PHLDB3: variants seen among roughly 807,000 people sequenced by gnomAD.
The protein encoded by PHLDB3 is pleckstrin homology like domain family B member 3.
In PHLDB3, 86 loss-of-function variants were observed where a neutral mutation model predicts 85.7. That is an observed-to-expected ratio of 1.00 (90% confidence interval 0.84 to 1.20). PHLDB3 has a LOEUF of 1.20. Ranked by LOEUF, PHLDB3 falls within the 50% of genes most tolerant of loss-of-function variation. The pLI, the probability that PHLDB3 is intolerant of heterozygous loss-of-function variation, is 0.00. For synonymous variants in PHLDB3, 376 were observed against 349.8 expected, an observed-to-expected ratio of 1.07 and a Z score of -0.83; for missense variants, 995 against 873.0, an observed-to-expected ratio of 1.14 and a Z score of -1.76.
chr19:43,475,171 G>A lies in PHLDB3; in HGVS notation c.*239C>T, dbSNP rs760663144. On this transcript the variant is annotated 3_prime_UTR_variant, in exon 16 of 16. Transcript: ENST00000292140. Reference sequence around the variant, plus strand: ...CAATAAATAGTTTCTTCCCGCCCCTGCAATCTTCCTCCTGCCCCGGGCAGG... The same window carrying A: ...CAATAAATAGTTTCTTCCCGCCCCTACAATCTTCCTCCTGCCCCGGGCAGG... The A allele has an allele frequency of 2.0e-6, 1 of 505,568 alleles. No homozygotes were observed. Among genetic ancestry groups the A allele is most frequent in the Non-Finnish European group, 3.5e-6 (1 of 283,532 alleles). 31.3% of individuals were successfully genotyped at this position (505,568 alleles called of 1,614,324 possible). A position where few individuals can be genotyped will look rare whatever the true frequency, so the allele number is the denominator to read the frequency against.
chr19:43,495,300 T>C lies in PHLDB3; in HGVS notation c.991A>G (p.Thr331Ala). ...RLLELNCLQG[T>A]PGGDFSEPNP... Reference sequence around the variant, plus strand: ...GGCTCAGAGAAGTCCCCGCCAGGTGTTCCCTGAAGGCAATTGAGCTCGAGC... The same window carrying C: ...GGCTCAGAGAAGTCCCCGCCAGGTGCTCCCTGAAGGCAATTGAGCTCGAGC... Residue 331 changes from threonine (T) to alanine (A), a missense_variant, in exon 8 of 16, where the codon ACA becomes GCA. Physicochemically the swap from Thr to Ala is moderately conservative, Grantham distance 58. Coordinates refer to ENST00000292140, the MANE Select transcript of PHLDB3 (RefSeq NM_198850.4). The C allele has an allele frequency of 6.2e-7, 1 of 1,613,816 alleles. No homozygotes were observed. Among genetic ancestry groups the C allele is most frequent in the Non-Finnish European group, 8.5e-7 (1 of 1,179,822 alleles).
intron 13 of PHLDB3, 69 bp downstream of exon 13, chr19:43,486,197 G>A (rs1971150803): frequency 6.7e-7 from 1 of 1,500,764 alleles, no homozygotes; most frequent in African/African-American, 1.4e-5. Flanking sequence ...TCAGATGTAA[G>A]AAAGGGCATA....
chr19:43,492,044 C>T (rs542706482), intron 9 of PHLDB3, among the ~76,000 whole-genome samples: 1 of 151,510 alleles, frequency 6.6e-6, no homozygotes, highest in Non-Finnish European at 1.5e-5. Flanking sequence ...CAACCTCCGC[C>T]TTCCGGGTTC....
chr19:43,477,492 G>C (rs1460837503), intron 15 of PHLDB3, among the ~76,000 whole-genome samples: 2 of 146,202 alleles, frequency 1.4e-5, no homozygotes, highest in Non-Finnish European at 3.0e-5. Flanking sequence ...ACTCCAGCCT[G>C]GGCAACAGAG....
rs370362509 is a variant in PHLDB3 at position 43,479,623 on chromosome 19, G to A, written c.1486-30C>T. 3.2e-4 allele frequency: 466 copies of A among 1,460,556 alleles called. 3 individuals are homozygous for A. The African/African-American group carries it at 5.4e-3, about 17-fold the overall frequency. The allele number at this position is 1,460,556 out of a possible 1,614,324, so 90.5% of individuals were successfully genotyped here. On this transcript the variant is annotated intron_variant, in intron 13 of 15. Transcript: ENST00000292140. ...GGAGCAAAGAGACGGGGCAGCTGAT[G>A]TAAGGGGCGGGGGATTCTACAGCCT...
rs1363769873 is a variant in PHLDB3, at chr19:43,486,680, G to A, written c.1357C>T (p.Pro453Ser). ...GRGNSCGAIHPDIAHMERLLQ... is the reference protein window; with the variant it reads ...GRGNSCGAIHSDIAHMERLLQ... The stretch of plus-strand genomic sequence containing the variant: ...AGCCGCTCCATGTGGGCAATGTCTG[G>A]ATGGATGGCCCCACAGCTAGGAGGA... Residue 453 changes from proline (P) to serine (S), a missense_variant, in exon 12 of 16, where the codon CCA becomes TCA. By Grantham distance (74) the Pro-to-Ser change is moderately conservative (BLOSUM62 -1). Transcript: ENST00000292140. 6.2e-7 allele frequency: 1 copy of A among 1,613,974 alleles called. No homozygotes were observed.
At chr19:43,501,632 T>A (rs1971600550) in intron 4 of PHLDB3, 102 bp downstream of exon 4, 1 of 1,511,154 alleles carries the variant, frequency 6.6e-7, no homozygotes, top group Admixed American at 2.2e-5. Flanking sequence ...TGTCTTCCTT[T>A]GGGGAATGGG....
Position 43,480,166 on chromosome 19 carries a change from C to T in PHLDB3, c.1486-573G>A, listed in dbSNP as rs1971013571. 3.4e-5 allele frequency among the ~76,000 whole-genome samples: 5 copies of T among 148,978 alleles called. No homozygotes were observed. The Admixed American group carries it at 3.4e-4, about 10-fold the overall frequency. On this transcript the variant is annotated intron_variant, in intron 13 of 15. Transcript: ENST00000292140. ...ATTGGAGCCTGTGTGGTGGCTTAAG[C>T]CTGTAATTCCAGCTACTCAGGAGGC...
intron 6 of PHLDB3, 199 bp downstream of exon 6, chr19:43,496,919 G>A: frequency 1.2e-6 from 1 of 810,832 alleles, no homozygotes; most frequent in Non-Finnish European, 1.7e-6. Context: ...TTTGTTGTAA[G>A]GATTCAGTGA....
Position 43,486,602 on chromosome 19 carries a change from C to A in PHLDB3, c.1428+7G>T. Reference sequence around the variant, plus strand: ...TCTGTTCCGAAGAGGATGGCCTGGGCTCTCACCCGGGCCTTGAGCAGCCGC... The same window carrying A: ...TCTGTTCCGAAGAGGATGGCCTGGGATCTCACCCGGGCCTTGAGCAGCCGC... On this transcript the variant is annotated splice_region_variant and intron_variant, in intron 12 of 15. Transcript: ENST00000292140. 1 of 1,610,956 alleles carries A rather than the reference C, an allele frequency of 6.2e-7. No individual in the cohort carries two copies. The highest frequency in any genetic ancestry group is 8.5e-7 in the Non-Finnish European group (1 of 1,179,008).
At chr19:43,501,572 G>C (rs928190534) in intron 4 of PHLDB3, 162 bp downstream of exon 4, 6 of 1,347,878 alleles carry the variant, frequency 4.5e-6, no homozygotes, top group Non-Finnish European at 4.9e-6. Context: ...CAGGGAGGGA[G>C]AAGGAAAACC....
rs769813647 is a variant in PHLDB3, at chr19:43,497,101, G to A, written c.825+17C>T. The A allele has an allele frequency of 6.9e-7, 1 of 1,450,354 alleles. No homozygotes were observed. The highest frequency in any genetic ancestry group is 2.5e-5 in the Admixed American group (1 of 40,694). The allele number at this position is 1,450,354 out of a possible 1,614,324, so 89.8% of individuals were successfully genotyped here. ...GAGGAGCAGCAAGGGGGGCAGCGCTGGTCAGGCATGACTCACTCTGTGCTG... is the reference window on the plus strand; with the variant it reads ...GAGGAGCAGCAAGGGGGGCAGCGCTAGTCAGGCATGACTCACTCTGTGCTG... On this transcript the variant is annotated intron_variant, in intron 6 of 15. Transcript: ENST00000292140.
chr19:43,494,368 A>C (rs911584216), intron 9 of PHLDB3, among the ~76,000 whole-genome samples: 1 of 149,036 alleles, frequency 6.7e-6, no homozygotes, highest in Non-Finnish European at 1.5e-5. Flanking sequence ...AAGGAAGTCT[A>C]GAAGGATTCT....
At chr19:43,477,296 AG>A (rs1458785346) in intron 15 of PHLDB3, among the ~76,000 whole-genome samples, 2 of 148,362 alleles carry the variant, frequency 1.3e-5, no homozygotes, top group Non-Finnish European at 2.9e-5. Flanking sequence ...CAAGGTGGGC[AG>A]ATCATGAGGT....
At chr19:43,503,281 T>TCA (rs1491251149) in intron 2 of PHLDB3, among the ~76,000 whole-genome samples, 1 of 4,688 alleles carries the variant, frequency 2.1e-4, no homozygotes, top group Admixed American at 1.6e-3. Context: ...GTCTATCTGG[T>TCA]CTCTCTCTCT....
chr19:43,477,231 C>T (rs1970945494), intron 15 of PHLDB3, among the ~76,000 whole-genome samples: 1 of 152,022 alleles, frequency 6.6e-6, no homozygotes, highest in Non-Finnish European at 1.5e-5. Context: ...AGAAAATTAA[C>T]AGTGACAGGC....
At chr19:43,486,506 G>A in intron 12 of PHLDB3, 103 bp downstream of exon 12, 2 of 1,400,554 alleles carry the variant, frequency 1.4e-6, no homozygotes, top group South Asian at 1.4e-5. Flanking sequence ...CTGGGGGCCT[G>A]GACCCCTGGG....
chr19:43,494,743 G>C lies in PHLDB3; in HGVS notation c.1108C>G (p.Pro370Ala), dbSNP rs753551647. 3.1e-6 allele frequency: 5 copies of C among 1,613,252 alleles called. 1 individual carries two copies. The highest frequency in any genetic ancestry group is 2.2e-5 in the East Asian group (1 of 44,880). ...ACAGAAAAGAGGCAGGAAGAAGTAG[G>C]GGTGGCAGCGGAGTGGGCCACGGCA... The part of the protein sequence containing the change: ...QDAVAHSAAT[P>A]TSSCLFSVHS... Residue 370 changes from proline (P) to alanine (A), a missense_variant, in exon 9 of 16, where the codon CCT (proline) becomes GCT (alanine). Coordinates refer to ENST00000292140, the MANE Select transcript of PHLDB3 (RefSeq NM_198850.4).
chr19:43,491,903 C>T (rs1054744006), intron 9 of PHLDB3, among the ~76,000 whole-genome samples: 4 of 150,910 alleles, frequency 2.7e-5, no homozygotes, highest in Admixed American at 6.6e-5. Context: ...CCTCTGCCTC[C>T]CAAAGTGCTA....
Sources: allele counts gnomAD v4.1 joint callset (sites outside exome capture counted in the v4.1 genomes callset), GRCh38; gene constraint gnomAD v4.1.1; transcripts MANE v1.5; gene names NCBI Gene and HGNC (gene_info 2026-07-23, HGNC 2026-07-21).